FSD1L: variants seen among roughly 807,000 people sequenced by gnomAD.
The protein encoded by FSD1L is fibronectin type III and SPRY domain containing 1 like, also known as FSD1-like protein.
FSD1L carries 45 observed loss-of-function variants against 71.6 expected under a neutral mutation model. That is an observed-to-expected ratio of 0.63 (90% CI 0.49 to 0.81). FSD1L has a LOEUF of 0.81. Ranked by LOEUF, FSD1L falls within the 30% of genes least tolerant of loss-of-function variation. FSD1L has a pLI of 0.00. For missense variants in FSD1L, 561 were observed against 618.1 expected (o/e 0.91, Z 0.98); for synonymous variants, 197 against 207.2 (o/e 0.95, Z 0.42).
Position 105,461,547 on chromosome 9 carries a change from A to G in FSD1L, c.43A>G (p.Thr15Ala), listed in dbSNP as rs1564080824. 1.3e-6 allele frequency: 2 copies of G among 1,551,170 alleles called. No homozygotes were observed. Among genetic ancestry groups the G allele is most frequent in the Non-Finnish European group, 1.7e-6 (2 of 1,146,432 alleles). ...CTGCTTTAAGGAGAATGAAAACGTT[A>G]CAGTTGATAAAGCCTGTTTTCTGAT... ...KYCFKENENVTVDKACFLISN... is the reference protein window; with the variant it reads ...KYCFKENENVAVDKACFLISN... Residue 15 changes from threonine (T) to alanine (A), a missense_variant, in exon 2 of 14, where the codon ACA becomes GCA. Around this residue, in one of 3 missense-constraint regions of FSD1L, gnomAD observed 410 missense variants for 413.5 expected, o/e 0.99. Coordinates refer to ENST00000481272, the MANE Select transcript of FSD1L (RefSeq NM_001145313.3).
intron 10 of FSD1L, chr9:105,524,277 A>G: frequency 2.5e-6 from 4 of 1,612,672 alleles, no homozygotes; most frequent in Non-Finnish European, 3.4e-6. Flanking sequence ...CATGCTTCAC[A>G]TGCTGGTTCA....
chr9:105,450,801 C>T (rs1483998687), intron 1 of FSD1L, among the ~76,000 whole-genome samples: 1 of 152,038 alleles, frequency 6.6e-6, no homozygotes, highest in Non-Finnish European at 1.5e-5. Context: ...CCTCACAAAG[C>T]GCTGCGATTA....
Position 105,508,652 on chromosome 9 carries a change from G to A in FSD1L, c.832G>A (p.Val278Met). ...TGATTCAAAGTATATGAATTTCAGA[G>A]TGCGAGCTTGTAACAAGGCTGTGGC... Reference protein sequence around the residue: ...KFDSKYMNFRVRACNKAVAGE... With the variant: ...KFDSKYMNFRMRACNKAVAGE... The change falls in exon 9 of 14, where the codon GTG becomes ATG. Residue 278 changes from valine to methionine, a missense_variant. Physicochemically the swap from Val to Met is conservative, Grantham distance 21. Transcript: ENST00000481272. 6.4e-7 allele frequency: 1 copy of A among 1,551,574 alleles called. No homozygotes were observed. Among genetic ancestry groups the A allele is most frequent in the South Asian group, 1.2e-5 (1 of 84,028 alleles).
chr9:105,503,970 T>G (rs1253060585), intron 7 of FSD1L, among the ~76,000 whole-genome samples: 1 of 152,230 alleles, frequency 6.6e-6, no homozygotes, highest in Non-Finnish European at 1.5e-5. Context: ...TGCCTGCCAG[T>G]GCAGTCTTAC....
intron 7 of FSD1L, among the ~76,000 whole-genome samples, chr9:105,485,533 G>GGTTTTTTTTTTT (rs1554705301): frequency 3.8e-5 from 3 of 79,414 alleles, no homozygotes; most frequent in Non-Finnish European, 4.7e-5. Flanking sequence ...TTGGTTAGGT[G>GGTTTTTTTTTTT]TTTTTTTTTT....
upstream of FSD1L, among the ~76,000 whole-genome samples, chr9:105,447,346 A>G (rs1172370703): frequency 6.9e-6 from 1 of 145,808 alleles, no homozygotes; most frequent in Non-Finnish European, 1.5e-5. Flanking sequence ...AAAAAAAAAA[A>G]AAAGAGAATG....
intron 12 of FSD1L, 53 bp downstream of exon 12, chr9:105,535,371 C>A: frequency 1.3e-6 from 2 of 1,515,566 alleles, no homozygotes; most frequent in South Asian, 1.2e-5. Flanking sequence ...CATTTCAGTA[C>A]CTTTCACTGG....
chr9:105,499,857 T>G (rs1833660482), intron 7 of FSD1L, among the ~76,000 whole-genome samples: 1 of 152,192 alleles, frequency 6.6e-6, no homozygotes, highest in Non-Finnish European at 1.5e-5. Context: ...TTGGATATTC[T>G]GTTCTGTGGG....
chr9:105,491,633 G>T (rs1422229067), intron 7 of FSD1L, among the ~76,000 whole-genome samples: 1 of 152,046 alleles, frequency 6.6e-6, no homozygotes, highest in African/African-American at 2.4e-5. Context: ...TTGGCTGTGG[G>T]TTTGTCATAG....
rs541135162 is a variant in FSD1L, at chr9:105,496,078, A to G, written c.587-10321A>G. The stretch of plus-strand genomic sequence containing the variant: ...TTTTCCCCTTGACGATGTCTTTTAC[A>G]GAGCAAGATTTTTAATTCTAATAAT... On this transcript the variant is annotated intron_variant, in intron 7 of 13. Coordinates refer to ENST00000481272, the MANE Select transcript of FSD1L (RefSeq NM_001145313.3). Among the ~76,000 whole-genome samples the G allele has an allele frequency of 2.0e-3, 303 of 151,990 alleles. 3 individuals carry two copies. Among genetic ancestry groups the G allele is most frequent in the African/African-American group, 6.9e-3 (286 of 41,484 alleles).
intron 9 of FSD1L, among the ~76,000 whole-genome samples, chr9:105,511,399 G>A (rs541887184): frequency 7.2e-5 from 11 of 152,182 alleles, no homozygotes; most frequent in Non-Finnish European, 1.5e-4. Flanking sequence ...GCATTACCTA[G>A]TAGCTCACAT....
intron 10 of FSD1L, chr9:105,525,900 A>G (rs1222039986): frequency 1.3e-6 from 2 of 1,557,626 alleles, no homozygotes; most frequent in Non-Finnish European, 1.8e-6. Flanking sequence ...ACATGTCAAC[A>G]AGAATGCCTT....
upstream of FSD1L, among the ~76,000 whole-genome samples, chr9:105,446,253 T>C (rs549251901): frequency 3.3e-5 from 5 of 152,372 alleles, no homozygotes; most frequent in South Asian, 1.0e-3. Context: ...TGTTCTTCCC[T>C]AGATCCTTGT....
upstream of FSD1L, among the ~76,000 whole-genome samples, chr9:105,444,801 A>T (rs541033764): frequency 6.6e-6 from 1 of 152,062 alleles, no homozygotes; most frequent in Non-Finnish European, 1.5e-5. Context: ...TTTTGTAAAC[A>T]ATTTGCTTTC....
At chr9:105,474,220 A>G (rs1481802374) in intron 5 of FSD1L, among the ~76,000 whole-genome samples, 1 of 152,168 alleles carries the variant, frequency 6.6e-6, no homozygotes, top group Non-Finnish European at 1.5e-5. Context: ...ACTGTACTGA[A>G]TCCTGTAGGC....
intron 10 of FSD1L, chr9:105,523,308 C>A: frequency 1.9e-6 from 3 of 1,589,440 alleles, no homozygotes; most frequent in Non-Finnish European, 2.6e-6. Context: ...GAAGGATCTG[C>A]AGCTCGATGA....
At chr9:105,463,890 T>C (rs554199127) in intron 2 of FSD1L, among the ~76,000 whole-genome samples, 26 of 152,324 alleles carry the variant, frequency 1.7e-4, no homozygotes, top group African/African-American at 6.3e-4. Flanking sequence ...GTATTCCGTT[T>C]CCATTTGTTT....
chr9:105,537,819 G>A (rs557736279), intron 12 of FSD1L, among the ~76,000 whole-genome samples: 6 of 152,288 alleles, frequency 3.9e-5, no homozygotes, highest in Non-Finnish European at 8.8e-5. Context: ...AGCCCTTATT[G>A]CCTGGCTAGT....
intron 10 of FSD1L, among the ~76,000 whole-genome samples, chr9:105,528,635 A>G (rs927271404): frequency 5.3e-5 from 8 of 152,212 alleles, no homozygotes; most frequent in Non-Finnish European, 5.9e-5. Flanking sequence ...TCAACTCAAG[A>G]TGGATTAAAG....
Sources: gnomAD v4.1 joint callset for allele counts (sites outside exome capture counted in the v4.1 genomes callset) on GRCh38, gnomAD v4.1.1 for gene constraint, gnomAD v4.1.1 regional missense constraint, MANE v1.5 for transcripts, NCBI Gene and HGNC (gene_info 2026-07-23, HGNC 2026-07-21) for gene names.